EFCAB8: variants seen among roughly 807,000 people sequenced by gnomAD.
EFCAB8 encodes the protein EF-hand calcium binding domain 8.
A neutral mutation model predicts 116.3 loss-of-function variants in EFCAB8; 100 were observed. The ratio of observed to expected loss-of-function variants is 0.86; its 90% CI spans 0.73 to 1.02. The LOEUF is 1.02. EFCAB8 is among the 50% of genes least tolerant of loss of function. The probability of loss-of-function intolerance (pLI) is 0.00; values close to 1 mark genes in which losing one functional copy is unlikely to be tolerated. For synonymous variants in EFCAB8, 558 were observed against 567.9 expected, an observed-to-expected ratio of 0.98 and a Z score of 0.25; for missense variants, 1,320 against 1,416.9, an observed-to-expected ratio of 0.93 and a Z score of 1.10.
In EFCAB8 at chr20:32,897,363, A is replaced by T. The variant is rs151206915; in HGVS notation, c.957+836A>T. Among the ~76,000 whole-genome samples, 325 of 151,970 alleles carry T rather than the reference A, an allele frequency of 2.1e-3. 1 individual carries two copies. Among genetic ancestry groups the T allele is most frequent in the African/African-American group, 7.5e-3 (311 of 41,398 alleles). On this transcript the variant is annotated intron_variant, in intron 10 of 26. Transcript: ENST00000400522. Reference sequence around the variant, plus strand: ...AGTACCCTGCGCTTGGTGGGCTCCCAATACATTTGCTGCACAAATGAATGA... The same window carrying T: ...AGTACCCTGCGCTTGGTGGGCTCCCTATACATTTGCTGCACAAATGAATGA...
At chr20:32,943,341 A>G (rs976754682) in intron 22 of EFCAB8, among the ~76,000 whole-genome samples, 1 of 152,226 alleles carries the variant, frequency 6.6e-6, no homozygotes, top group Non-Finnish European at 1.5e-5. Context: ...TTGGTAAACA[A>G]TGTAGTCATA....
In EFCAB8 at chr20:32,909,851, C is replaced by T. The variant is rs1227599166; in HGVS notation, c.1477C>T (p.Gln493Ter). The part of the protein sequence containing the change: ...IGILKGYLEA[Q>*]GLIKARKRTT... The stretch of plus-strand genomic sequence containing the variant: ...GATCCTAAAAGGGTACTTAGAGGCC[C>T]AGGGGCTTATCAAAGCAAGGAAGAG... Residue 493 changes from glutamine to a stop codon, truncating the protein, a stop_gained, in exon 15 of 27, where the codon CAG (glutamine) becomes TAG (stop). Coordinates refer to ENST00000400522, the MANE Select transcript of EFCAB8 (RefSeq NM_001143967.2). LOFTEE classifies it high-confidence loss of function. 3.2e-6 allele frequency: 4 copies of T among 1,249,794 alleles called. No individual in the cohort carries two copies. The highest frequency in any genetic ancestry group is 3.0e-6 in the Non-Finnish European group (3 of 988,258). 77.4% of individuals were successfully genotyped at this position (1,249,794 alleles called of 1,614,324 possible).
intron 10 of EFCAB8, among the ~76,000 whole-genome samples, chr20:32,897,526 T>G (rs182145142): frequency 1.8e-4 from 28 of 151,708 alleles, no homozygotes; most frequent in African/African-American, 5.6e-4. Context: ...CACTGCAGCC[T>G]TGACCTCCCG....
chr20:32,931,129 G>C (rs1278334395), intron 21 of EFCAB8, 49 bp from the exon 22 acceptor site: 1 of 1,445,680 alleles, frequency 6.9e-7, no homozygotes, highest in African/African-American at 1.4e-5. Flanking sequence ...GAGTGAGTTG[G>C]GGTCTGGGTC....
At chr20:32,869,998 T>C (rs1266874918) in intron 3 of EFCAB8, among the ~76,000 whole-genome samples, 1 of 152,190 alleles carries the variant, frequency 6.6e-6, no homozygotes, top group African/African-American at 2.4e-5. Context: ...GAGATAATAC[T>C]CCTGTAAGTC....
chr20:32,920,741 G>C (rs1489494742), intron 20 of EFCAB8, among the ~76,000 whole-genome samples: 3 of 152,056 alleles, frequency 2.0e-5, no homozygotes, highest in African/African-American at 4.8e-5. Flanking sequence ...GATTTGAGTG[G>C]GGACACAGCC....
At chr20:32,873,237 C>A (rs548967360) in intron 3 of EFCAB8, among the ~76,000 whole-genome samples, 2 of 151,878 alleles carry the variant, frequency 1.3e-5, no homozygotes, top group Non-Finnish European at 2.9e-5. Context: ...TTAGACAGAC[C>A]CTAGGAAGGC....
chr20:32,908,473 T>A, intron 14 of EFCAB8, 61 bp downstream of exon 14: 5 of 1,247,920 alleles, frequency 4.0e-6, no homozygotes, highest in Admixed American at 4.2e-5. Context: ...AGGGTCTGAA[T>A]CCCATGGGAC....
At chr20:32,915,141 A>C (rs188341380) in intron 17 of EFCAB8, among the ~76,000 whole-genome samples, 4 of 152,230 alleles carry the variant, frequency 2.6e-5, no homozygotes, top group African/African-American at 9.6e-5. Flanking sequence ...GGTTTCAAGC[A>C]ATCCTCCTGT....
At position 32,917,080 on chromosome 20, in the gene EFCAB8, ATTAGT is replaced by A. The variant is rs961167522; in HGVS notation, c.1857-217_1857-213del. ...GTATTACACATTGACTATCTGTAAG[ATTAGT>A]TTATGTAAAGCCCCTACAACAGGGC... On this transcript the variant is annotated intron_variant, in intron 17 of 26. Transcript: ENST00000400522. 39 of 552,964 alleles carry A rather than the reference ATTAGT, an allele frequency of 7.1e-5. No individual in the cohort carries two copies. In the African/African-American group the frequency reaches 7.2e-4, roughly 10 times the overall value. 34.3% of individuals were successfully genotyped at this position (552,964 alleles called of 1,614,324 possible). A position where few individuals can be genotyped will look rare whatever the true frequency, so the allele number is the denominator to read the frequency against.
rs1426458798 is a variant in EFCAB8 at position 32,912,803 on chromosome 20, A to T, written c.1795A>T (p.Ile599Phe). 1.4e-6 allele frequency: 1 copy of T among 718,762 alleles called. No homozygotes were observed. The highest frequency in any genetic ancestry group is 2.6e-6 in the Non-Finnish European group (1 of 385,178). 44.5% of individuals were successfully genotyped at this position (718,762 alleles called of 1,614,324 possible). A position where few individuals can be genotyped will look rare whatever the true frequency, so the allele number is the denominator to read the frequency against. ...PSPEQLEISG[I>F]IHMNKVFYVT... ...CTTTCATCTTCAACAGATTAGTGGGATTATCCATATGAACAAAGTGTTCTA... is the reference window on the plus strand; with the variant it reads ...CTTTCATCTTCAACAGATTAGTGGGTTTATCCATATGAACAAAGTGTTCTA... The change falls in exon 17 of 27, where the codon ATT becomes TTT. Residue 599 changes from isoleucine to phenylalanine, a missense_variant. Physicochemically the swap from Ile to Phe is conservative, Grantham distance 21. Coordinates refer to ENST00000400522, the MANE Select transcript of EFCAB8 (RefSeq NM_001143967.2).
rs374908309 is a variant in EFCAB8, at chr20:32,896,546, T to C, written c.957+19T>C. 2 of 718,442 alleles carry C rather than the reference T, an allele frequency of 2.8e-6. No individual in the cohort carries two copies. Among genetic ancestry groups the C allele is most frequent in the African/African-American group, 3.5e-5 (2 of 57,206 alleles). 44.5% of individuals were successfully genotyped at this position (718,442 alleles called of 1,614,324 possible). A position where few individuals can be genotyped will look rare whatever the true frequency, so the allele number is the denominator to read the frequency against. On this transcript the variant is annotated intron_variant, in intron 10 of 26. Transcript: ENST00000400522. ...GCTGAAGGTGAGTTTTTTCTTTCCT[T>C]GGCCTGTTACAATGGTAATTATCTG...
chr20:32,873,330 C>T (rs893883228), intron 3 of EFCAB8, among the ~76,000 whole-genome samples: 6 of 151,656 alleles, frequency 4.0e-5, no homozygotes, highest in Non-Finnish European at 7.4e-5. Context: ...CCACCTGCCT[C>T]GGCCTCCCAA....
intron 22 of EFCAB8, among the ~76,000 whole-genome samples, chr20:32,939,081 TTTC>T (rs1247208791): frequency 2.2e-5 from 3 of 138,632 alleles, no homozygotes; most frequent in African/African-American, 5.4e-5. Flanking sequence ...CCCCAACTTC[TTTC>T]TTTTTTCTTT....
chr20:32,889,783 C>T (rs1282699019), intron 7 of EFCAB8, among the ~76,000 whole-genome samples: 1 of 152,006 alleles, frequency 6.6e-6, no homozygotes, highest in East Asian at 1.9e-4. Flanking sequence ...AGGCGGATCA[C>T]CTGAGGTCAG....
At chr20:32,860,777 C>G (rs1367926224) in intron 1 of EFCAB8, among the ~76,000 whole-genome samples, 1 of 152,100 alleles carries the variant, frequency 6.6e-6, no homozygotes, top group East Asian at 1.9e-4. Flanking sequence ...CATTCTCTCA[C>G]CCAGGCCCTG....
At chr20:32,960,192 G>C (rs1989103742) in intron 26 of EFCAB8, 31 bp downstream of exon 26, 1 of 1,545,678 alleles carries the variant, frequency 6.5e-7, no homozygotes, top group Non-Finnish European at 8.8e-7. Context: ...TCCCCAAGAG[G>C]CTGGGTCAGG....
intron 15 of EFCAB8, 127 bp from the exon 16 acceptor site, chr20:32,911,353 T>A: frequency 1.3e-6 from 1 of 778,504 alleles, no homozygotes; most frequent in Non-Finnish European, 1.9e-6. Context: ...GCTTATGCTG[T>A]AGCAGGGGGC....
chr20:32,888,456 T>TCA (rs1985745516), intron 6 of EFCAB8, among the ~76,000 whole-genome samples: 1 of 152,118 alleles, frequency 6.6e-6, no homozygotes, highest in Non-Finnish European at 1.5e-5. Flanking sequence ...ACTCCTGACC[T>TCA]AGTGATCTGC....
Sources: allele counts gnomAD v4.1 joint callset (sites outside exome capture counted in the v4.1 genomes callset), GRCh38; gene constraint gnomAD v4.1.1; transcripts MANE v1.5; gene names NCBI Gene and HGNC (gene_info 2026-07-23, HGNC 2026-07-21).